RUFY2: variants seen among roughly 807,000 people sequenced by gnomAD.
RUFY2 encodes RUN and FYVE domain-containing protein 2.
RUFY2 carries 49 observed loss-of-function variants against 94.4 expected under a neutral mutation model. The observed-to-expected ratio is 0.52, with a 90% CI of 0.41 to 0.66. The LOEUF (loss-of-function observed/expected upper bound fraction) is 0.66. Ranked by LOEUF, RUFY2 falls within the 30% of genes least tolerant of loss-of-function variation. RUFY2 has a pLI of 0.00. For missense variants in RUFY2, 541 were observed against 692.8 expected (o/e 0.78, Z 2.46); for synonymous variants, 255 against 235.7 (o/e 1.08, Z -0.75).
At chr10:68,356,762 T>C (rs2047080528) in intron 15 of RUFY2, among the ~76,000 whole-genome samples, 1 of 148,244 alleles carries the variant, frequency 6.7e-6, no homozygotes, top group Admixed American at 6.8e-5. Flanking sequence ...TTGGCCAGGC[T>C]GGTCTCGAAC....
chr10:68,401,550 G>T, intron 3 of RUFY2, 70 bp downstream of exon 3: 1 of 895,274 alleles, frequency 1.1e-6, no homozygotes, highest in Non-Finnish European at 1.9e-6. Flanking sequence ...AAGCTAGAGT[G>T]TGAGGTACTT....
rs184550028 is a variant in RUFY2 at position 68,396,092 on chromosome 10, G to A, written c.398+688C>T. 2.9e-4 allele frequency among the ~76,000 whole-genome samples: 44 copies of A among 152,300 alleles called. 1 individual carries two copies. The South Asian group carries it at 7.7e-3, about 27-fold the overall frequency. On this transcript the variant is annotated intron_variant, in intron 4 of 17. Coordinates refer to ENST00000602465, the MANE Select transcript of RUFY2 (RefSeq NM_001330103.2). The stretch of plus-strand genomic sequence containing the variant: ...CAGGTCACTGCAACCTCCCTCTACC[G>A]GGTTCATGTGATTCTCCTGCCTCAG...
At chr10:68,399,338 C>G (rs2050642099) in intron 3 of RUFY2, among the ~76,000 whole-genome samples, 1 of 152,178 alleles carries the variant, frequency 6.6e-6, no homozygotes, top group African/African-American at 2.4e-5. Context: ...AGCCACCACA[C>G]CCAGCCACTT....
intron 13 of RUFY2, among the ~76,000 whole-genome samples, chr10:68,374,983 T>C (rs1006384787): frequency 2.0e-5 from 3 of 152,208 alleles, no homozygotes; most frequent in African/African-American, 7.2e-5. Context: ...TTAATTTTAT[T>C]TTTAAAATTG....
intron 3 of RUFY2, among the ~76,000 whole-genome samples, chr10:68,400,533 A>G (rs531958439): frequency 1.3e-5 from 2 of 150,458 alleles, no homozygotes; most frequent in South Asian, 4.2e-4. Context: ...AAAATCAGCC[A>G]GGCATGGTGG....
chr10:68,395,411 C>T (rs577571751), intron 4 of RUFY2, among the ~76,000 whole-genome samples: 4 of 151,760 alleles, frequency 2.6e-5, no homozygotes, highest in African/African-American at 9.7e-5. Context: ...ATAGTGACTG[C>T]TGCTGATCTG....
chr10:68,406,960 G>A (rs1392408641), intron 1 of RUFY2: 2 of 1,547,788 alleles, frequency 1.3e-6, no homozygotes, highest in East Asian at 2.5e-5. Flanking sequence ...CGGCCACTAT[G>A]CCTCAGAACC....
intron 15 of RUFY2, among the ~76,000 whole-genome samples, chr10:68,360,051 C>G (rs1482602573): frequency 6.6e-6 from 1 of 151,956 alleles, no homozygotes; most frequent in Non-Finnish European, 1.5e-5. Flanking sequence ...GCCTCGAACT[C>G]CTGACCTCAA....
At chr10:68,359,574 AC>A (rs1240784617) in intron 15 of RUFY2, among the ~76,000 whole-genome samples, 22 of 140,326 alleles carry the variant, frequency 1.6e-4, no homozygotes, top group South Asian at 1.4e-3. Flanking sequence ...TAGTAGTACT[AC>A]TATATATAAA....
Position 68,384,160 on chromosome 10 carries a change from T to A in RUFY2, c.721-8A>T. On this transcript the variant is annotated splice_polypyrimidine_tract_variant and splice_region_variant and intron_variant, in intron 8 of 17. Transcript: ENST00000602465. ...ATTCTTTGCTATTGCTAACTAAAAA[T>A]TAAGAAACGGGCAAGAAAAAAGATT... is the stretch of plus-strand genomic sequence containing the variant. 1 of 1,604,626 alleles carries A rather than the reference T, an allele frequency of 6.2e-7. No individual in the cohort carries two copies. Among genetic ancestry groups the A allele is most frequent in the Non-Finnish European group, 8.5e-7 (1 of 1,178,422 alleles).
rs775819444 is a variant in RUFY2 at position 68,396,857 on chromosome 10, C to A, written c.321G>T (p.Ala107=). The change falls in exon 4 of 18, where the codon GCG becomes GCT. Residue 107 remains alanine, a synonymous_variant. Coordinates refer to ENST00000602465, the MANE Select transcript of RUFY2 (RefSeq NM_001330103.2). ...TTTGCATGAGGGCTAATCGAAGCCA[C>A]GCTCTTGCTCGACCCAGAGGGGTCC... The part of the protein sequence containing the change: ...GLKTPLGRAR[A]WLRLALMQKK... 1.9e-6 allele frequency: 3 copies of A among 1,613,798 alleles called. No individual in the cohort carries two copies. The highest frequency in any genetic ancestry group is 1.7e-6 in the Non-Finnish European group (2 of 1,179,822).
At chr10:68,369,763 A>T (rs2048127158) in intron 13 of RUFY2, among the ~76,000 whole-genome samples, 2 of 152,056 alleles carry the variant, frequency 1.3e-5, no homozygotes, top group South Asian at 4.2e-4. Context: ...CTCTATAAGA[A>T]AAATAATAAA....
downstream of RUFY2, chr10:68,341,549 C>G (rs1263610636): frequency 7.2e-7 from 1 of 1,387,212 alleles, no homozygotes. Flanking sequence ...TCCATCATTC[C>G]TTTCTCCCCT....
intron 16 of RUFY2, among the ~76,000 whole-genome samples, chr10:68,351,638 C>T (rs532893197): frequency 7.2e-4 from 107 of 148,574 alleles, no homozygotes; most frequent in East Asian, 3.3e-3. Flanking sequence ...TTAGTAGAGG[C>T]GGGGTTTCAC....
intron 13 of RUFY2, among the ~76,000 whole-genome samples, chr10:68,371,603 A>AG (rs147704409): frequency 3.3e-5 from 5 of 151,018 alleles, no homozygotes; most frequent in African/African-American, 1.2e-4. Flanking sequence ...AAAAAAAAAA[A>AG]GACCCAACAT....
chr10:68,383,687 C>T, intron 10 of RUFY2, 111 bp downstream of exon 10: 1 of 759,806 alleles, frequency 1.3e-6, no homozygotes, highest in Non-Finnish European at 2.3e-6. Context: ...GGTGAGCTTG[C>T]TACATACCAC....
intron 3 of RUFY2, among the ~76,000 whole-genome samples, chr10:68,397,404 T>G (rs2050468301): frequency 6.6e-6 from 1 of 152,146 alleles, no homozygotes; most frequent in Non-Finnish European, 1.5e-5. Context: ...TGAAATGTTA[T>G]GCAGCCCAGG....
intron 13 of RUFY2, among the ~76,000 whole-genome samples, chr10:68,367,715 T>A (rs530581786): frequency 6.6e-6 from 1 of 150,998 alleles, no homozygotes; most frequent in South Asian, 2.1e-4. Flanking sequence ...TTTCTCTATC[T>A]CTCTCCCTCC....
intron 3 of RUFY2, among the ~76,000 whole-genome samples, chr10:68,401,325 C>A (rs933014417): frequency 6.6e-6 from 1 of 152,150 alleles, no homozygotes; most frequent in Non-Finnish European, 1.5e-5. Flanking sequence ...TAATTTAACA[C>A]TCAGAAAACA....
Sources: allele counts gnomAD v4.1 joint callset (sites outside exome capture counted in the v4.1 genomes callset), GRCh38; gene constraint gnomAD v4.1.1; transcripts MANE v1.5; gene names NCBI Gene and HGNC (gene_info 2026-07-23, HGNC 2026-07-21).